Variants in DTX1 observed in about 807,000 individuals in gnomAD.
DTX1 encodes the protein E3 ubiquitin-protein ligase DTX1.
DTX1 carries 26 observed loss-of-function variants against 57.8 expected under a neutral mutation model. That is an observed-to-expected ratio of 0.45 (90% CI 0.33 to 0.62). The LOEUF is 0.62. Ranked by LOEUF, DTX1 falls within the 20% of genes least tolerant of loss-of-function variation. The probability of loss-of-function intolerance (pLI) is 0.02; values close to 1 mark genes in which losing one functional copy is unlikely to be tolerated. For missense variants in DTX1, 704 were observed against 895.3 expected (o/e 0.79, Z 2.73); for synonymous variants, 398 against 394.1 (o/e 1.01, Z -0.12).
chr12:113,077,430 T>C lies in DTX1; in HGVS notation c.266T>C (p.Met89Thr). 1 of 1,602,228 alleles carries C rather than the reference T, an allele frequency of 6.2e-7. No homozygotes were observed. Among genetic ancestry groups the C allele is most frequent in the Non-Finnish European group, 8.5e-7 (1 of 1,176,370 alleles). Reference protein sequence around the residue: ...MHQFRQDTGTMRPVRRNFYDP... With the variant: ...MHQFRQDTGTTRPVRRNFYDP... ...CTCCCCATTTCGAGTACAGGCACCA[T>C]GCGGCCCGTGCGGCGCAACTTCTAC... is the stretch of plus-strand genomic sequence containing the variant. The change falls in exon 3 of 10, where the codon ATG (methionine) becomes ACG (threonine). Residue 89 changes from methionine to threonine, a missense_variant. By Grantham distance (81) the Met-to-Thr change is moderately conservative. This residue lies in a region of DTX1 where 237 missense variants were observed against 328.6 expected (regional missense o/e 0.72). Transcript: ENST00000548759. The surrounding 1 kb of genome is among the most constrained non-coding windows in gnomAD (Gnocchi z 7.8).
At chr12:113,079,102 G>A (rs1049893123) in intron 3 of DTX1, among the ~76,000 whole-genome samples, 1 of 152,168 alleles carries the variant, frequency 6.6e-6, no homozygotes, top group African/African-American at 2.4e-5. Context: ...CCAGTGAGCT[G>A]CTGTTGGGTG....
intron 2 of DTX1, among the ~76,000 whole-genome samples, chr12:113,065,948 C>T (rs1271166766): frequency 2.0e-5 from 3 of 152,130 alleles, no homozygotes; most frequent in African/African-American, 7.2e-5. Flanking sequence ...TGCTCCCAGG[C>T]CTCCGCCCGC....
At chr12:113,059,573 C>T (rs533956332) in intron 2 of DTX1, among the ~76,000 whole-genome samples, 6 of 152,134 alleles carry the variant, frequency 3.9e-5, no homozygotes, top group South Asian at 2.1e-4. Flanking sequence ...AGTCATTGCC[C>T]GGTGGTATCT....
intron 3 of DTX1, among the ~76,000 whole-genome samples, chr12:113,078,803 TC>T (rs916022164): frequency 1.3e-5 from 2 of 151,882 alleles, no homozygotes; most frequent in Non-Finnish European, 2.9e-5. Context: ...CCAAAGTATT[TC>T]CCCATAGGCT....
At chr12:113,082,633 T>C (rs1447256306) in intron 3 of DTX1, among the ~76,000 whole-genome samples, 2 of 152,198 alleles carry the variant, frequency 1.3e-5, no homozygotes, top group East Asian at 1.9e-4. Context: ...CTCGCTCTTA[T>C]TGCCCAGGCT....
Position 113,058,216 on chromosome 12 carries a change from G to A in DTX1, c.24G>A (p.Gly8=). The change falls in exon 2 of 10, where the codon GGG becomes GGA. Residue 8 remains glycine, a synonymous_variant. Transcript: ENST00000548759. ...CCATGTCACGGCCAGGCCACGGTGG[G>A]CTGATGCCTGTGAATGGTCTGGGCT... MSRPGHG[G]LMPVNGLGFP... 6.2e-7 allele frequency: 1 copy of A among 1,611,098 alleles called. No homozygotes were observed. The highest frequency in any genetic ancestry group is 8.5e-7 in the Non-Finnish European group (1 of 1,178,954).
chr12:113,096,572 C>A, intron 9 of DTX1, 143 bp from the exon 10 acceptor site: 1 of 645,472 alleles, frequency 1.5e-6, no homozygotes, highest in Non-Finnish European at 2.5e-6. Flanking sequence ...AGGAAATGGC[C>A]AAGCCAGCAG....
chr12:113,069,302 C>T (rs1258839957), intron 2 of DTX1, among the ~76,000 whole-genome samples: 1 of 152,034 alleles, frequency 6.6e-6, no homozygotes, highest in Non-Finnish European at 1.5e-5. Flanking sequence ...GTGTGGGAAG[C>T]CAGGTGACCA....
In DTX1 at chr12:113,093,016, T is replaced by G; in HGVS notation, c.942-146T>G. The stretch of plus-strand genomic sequence containing the variant: ...ATAGGATGTCAGAGTAGAAAGAGAG[T>G]TTCCTGGAGGTAACTGCAGTTGGCA... On this transcript the variant is annotated intron_variant, in intron 3 of 9. Coordinates refer to ENST00000548759, the MANE Select transcript of DTX1 (RefSeq NM_004416.3). This position sits in a 1 kb window ranked among gnomAD's most constrained non-coding sequence, Gnocchi z 4.2. The G allele has an allele frequency of 1.2e-5, 9 of 729,422 alleles. No individual in the cohort carries two copies. Among genetic ancestry groups the G allele is most frequent in the East Asian group, 2.9e-5 (1 of 34,510 alleles). 45.2% of individuals were successfully genotyped at this position (729,422 alleles called of 1,614,324 possible).
chr12:113,083,949 C>A (rs1024658977), intron 3 of DTX1, among the ~76,000 whole-genome samples: 5 of 152,262 alleles, frequency 3.3e-5, no homozygotes, highest in African/African-American at 1.2e-4. Context: ...CCACCTCTCA[C>A]ATGGGCAGAC....
chr12:113,089,399 T>A (rs1950228971), intron 3 of DTX1, among the ~76,000 whole-genome samples: 1 of 152,098 alleles, frequency 6.6e-6, no homozygotes. Flanking sequence ...GTGGGGCCCA[T>A]GCCTGCCTTC....
rs1950322171 is a variant in DTX1, at chr12:113,097,569, A to G, written c.*630A>G. 6.6e-6 allele frequency: 1 copy of G among 152,398 alleles called. No individual in the cohort carries two copies. Among genetic ancestry groups the G allele is most frequent in the Admixed American group, 6.5e-5 (1 of 15,282 alleles). 9.4% of individuals were successfully genotyped at this position (152,398 alleles called of 1,614,324 possible). ...AGAATGGCCAGCACGAGCGGGGACT[A>G]GAGGGTCCTGATTTTGTGTCTGTGC... is the stretch of plus-strand genomic sequence containing the variant. On this transcript the variant is annotated 3_prime_UTR_variant, in exon 10 of 10. Transcript: ENST00000548759.
chr12:113,090,960 G>T (rs141350877), intron 3 of DTX1, among the ~76,000 whole-genome samples: 1 of 152,208 alleles, frequency 6.6e-6, no homozygotes, highest in African/African-American at 2.4e-5. Context: ...GAATCAGTAC[G>T]CACGAGTACT....
intron 2 of DTX1, among the ~76,000 whole-genome samples, chr12:113,061,449 C>T (rs114887362): frequency 3.7e-4 from 57 of 152,294 alleles, no homozygotes; most frequent in African/African-American, 1.3e-3. Flanking sequence ...TCATTGGTAA[C>T]GCACTGGAAA....
chr12:113,070,245 T>C (rs2044730076), intron 2 of DTX1, among the ~76,000 whole-genome samples: 1 of 152,172 alleles, frequency 6.6e-6, no homozygotes, highest in Non-Finnish European at 1.5e-5. Context: ...TGGCTGTTAG[T>C]ATTATGACTT....
chr12:113,097,683 C>G lies in DTX1; in HGVS notation c.*744C>G, dbSNP rs1268105472. 1 of 152,332 alleles carries G rather than the reference C, an allele frequency of 6.6e-6. No individual in the cohort carries two copies. The highest frequency in any genetic ancestry group is 2.4e-5 in the African/African-American group (1 of 41,466). The allele number at this position is 152,332 out of a possible 1,614,324, so 9.4% of individuals were successfully genotyped here. A position where few individuals can be genotyped will look rare whatever the true frequency, so the allele number is the denominator to read the frequency against. On this transcript the variant is annotated 3_prime_UTR_variant, in exon 10 of 10. Transcript: ENST00000548759. The stretch of plus-strand genomic sequence containing the variant: ...CAGATAAAGGCGCTGTTCTCCCATC[C>G]TCCCTACCCCATCCTCTCCACCAAA...
chr12:113,065,292 G>T (rs2044696425), intron 2 of DTX1, among the ~76,000 whole-genome samples: 1 of 152,216 alleles, frequency 6.6e-6, no homozygotes, highest in Non-Finnish European at 1.5e-5. Flanking sequence ...TAGTAAAGCT[G>T]AAGCTCAGAG....
At position 113,093,118 on chromosome 12, in the gene DTX1, C is replaced by T; in HGVS notation, c.942-44C>T. The T allele has an allele frequency of 6.4e-7, 1 of 1,557,620 alleles. No homozygotes were observed. The highest frequency in any genetic ancestry group is 8.7e-7 in the Non-Finnish European group (1 of 1,150,054). ...CAAGCCAGGTCCCCTGACGTCGCTT[C>T]GGGGGCTGGAGTCCAGCTGCGGCCT... On this transcript the variant is annotated intron_variant, in intron 3 of 9. Transcript: ENST00000548759. The surrounding 1 kb of genome is among the most constrained non-coding windows in gnomAD (Gnocchi z 4.2).
rs568277860 is a variant in DTX1, at chr12:113,084,634, C to T, written c.941+6529C>T. On this transcript the variant is annotated intron_variant, in intron 3 of 9. Transcript: ENST00000548759. ...TCCTGGGCTCAAGTGATCCTCTCGC[C>T]TTGGCCTCCCAAAGCACTGGGATTA... Among the ~76,000 whole-genome samples the T allele has an allele frequency of 2.6e-5, 4 of 152,364 alleles. No homozygotes were observed. In the East Asian group the frequency reaches 7.7e-4, roughly 29 times the overall value.
Sources: gnomAD v4.1 joint callset for allele counts (sites outside exome capture counted in the v4.1 genomes callset) on GRCh38, gnomAD v4.1.1 for gene constraint, gnomAD v4.1.1 regional missense constraint, Gnocchi (gnomAD v3.1) non-coding constraint, MANE v1.5 for transcripts, NCBI Gene and HGNC (gene_info 2026-07-23, HGNC 2026-07-21) for gene names.